POLA1: variants seen among roughly 807,000 people sequenced by gnomAD.
POLA1 encodes the protein DNA polymerase alpha 1, catalytic subunit, also known as DNA polymerase alpha catalytic subunit.
A neutral mutation model predicts 124.0 loss-of-function variants in POLA1; 15 were observed. That is an observed-to-expected ratio of 0.12 (90% confidence interval 0.08 to 0.19). The LOEUF is 0.19. Among genes scored for constraint, POLA1 ranks in the 10% least tolerant of loss-of-function variants. POLA1 has a pLI of 1.00. For synonymous variants in POLA1, 408 were observed against 389.4 expected (o/e 1.05, Z -0.56); for missense variants, 886 against 1,103.4 (o/e 0.80, Z 2.79).
chrX:24,748,789 G>A, intron 25 of POLA1, 81 bp from the exon 26 acceptor site: 1 of 990,589 alleles, frequency 1.0e-6, no homozygotes, highest in Non-Finnish European at 1.4e-6. Context: ...CCTTTTTATT[G>A]GAGATCTAGA....
chrX:24,834,968 C>T (rs1192840126), intron 32 of POLA1, among the ~76,000 whole-genome samples: 1 of 110,221 alleles, frequency 9.1e-6, no homozygotes, highest in Non-Finnish European at 1.9e-5. Context: ...TCTTATTATT[C>T]CTCTTTCCCA....
At chrX:24,930,747 G>A (rs748934981) in intron 36 of POLA1, among the ~76,000 whole-genome samples, 198 bp downstream of exon 36, 2 of 112,279 alleles carry the variant, frequency 1.8e-5, no homozygotes, top group East Asian at 5.6e-4. Flanking sequence ...CCCACAGCCT[G>A]TTTCACATTG....
At chrX:24,897,823 C>T (rs929034736) in intron 35 of POLA1, among the ~76,000 whole-genome samples, 4 of 112,254 alleles carry the variant, frequency 3.6e-5, no homozygotes, top group African/African-American at 1.3e-4. Context: ...TTCCTGTCAC[C>T]GATACCCTCT....
intron 15 of POLA1, 89 bp from the exon 16 acceptor site, chrX:24,732,281 T>A: frequency 1.6e-6 from 1 of 622,690 alleles, no homozygotes; most frequent in Non-Finnish European, 2.7e-6. Context: ...TTTAAATGTG[T>A]ATCTTTAAAT....
At chrX:24,765,882 T>C (rs893914525) in intron 26 of POLA1, among the ~76,000 whole-genome samples, 1 of 112,053 alleles carries the variant, frequency 8.9e-6, no homozygotes, top group African/African-American at 3.2e-5. Context: ...GAAGCTGATA[T>C]GTATCTTTCC....
intron 15 of POLA1, among the ~76,000 whole-genome samples, chrX:24,728,303 C>T (rs1226322544): frequency 8.9e-6 from 1 of 111,732 alleles, no homozygotes; most frequent in Non-Finnish European, 1.9e-5. Context: ...TAAAGCTAGT[C>T]TCAGACATTG....
chrX:24,994,983 G>T (rs1170702943), intron 36 of POLA1, among the ~76,000 whole-genome samples: 9 of 110,610 alleles, frequency 8.1e-5, no homozygotes, highest in Non-Finnish European at 1.7e-4. Flanking sequence ...TTGAACCCGG[G>T]AGGCGGAGGT....
intron 34 of POLA1, among the ~76,000 whole-genome samples, chrX:24,883,810 A>G (rs962462953): frequency 1.6e-4 from 18 of 112,165 alleles, no homozygotes; most frequent in African/African-American, 5.8e-4. Flanking sequence ...TGGATAGCAG[A>G]CATCCTTAAA....
At chrX:24,968,702 CA>C (rs1230409270) in intron 36 of POLA1, among the ~76,000 whole-genome samples, 2,871 of 33,945 alleles carry the variant, frequency 0.085, 131 homozygotes, top group African/African-American at 0.24. Flanking sequence ...GACTCCATCT[CA>C]AAAAAAAAAA....
intron 35 of POLA1, among the ~76,000 whole-genome samples, chrX:24,918,161 C>T (rs2047561092): frequency 9.3e-6 from 1 of 107,563 alleles, no homozygotes; most frequent in Admixed American, 1.0e-4. Context: ...TCTACCTCTA[C>T]ACTTTCTGCT....
rs183583012 is a variant in POLA1, at chrX:24,923,385, G to A, written c.4165-7068G>A. ...TGCATCATTCGTGGGGGTGGGGGTT[G>A]TCTGTGGGGAGAGGGAAAGAGTGAA... On this transcript the variant is annotated intron_variant, in intron 35 of 36. Coordinates refer to ENST00000379068, the MANE Select transcript of POLA1 (RefSeq NM_001330360.2). 3.9e-4 allele frequency among the ~76,000 whole-genome samples: 43 copies of A among 111,480 alleles called. No individual in the cohort carries two copies. In the East Asian group the frequency reaches 5.6e-3, roughly 14 times the overall value.
At chrX:24,994,130 G>C (rs942625608) in intron 36 of POLA1, among the ~76,000 whole-genome samples, 24 of 112,503 alleles carry the variant, frequency 2.1e-4, no homozygotes, top group Admixed American at 1.8e-3. Flanking sequence ...CCTGCCGGGA[G>C]GCAGCCGACA....
At chrX:24,794,994 TA>T (rs1394593356) in intron 26 of POLA1, among the ~76,000 whole-genome samples, 4 of 110,879 alleles carry the variant, frequency 3.6e-5, no homozygotes, top group Non-Finnish European at 5.7e-5. Context: ...GATAGTGGTA[TA>T]GGGGAAAAAA....
chrX:24,801,924 G>GGGGTGTGTGTGTGT (rs759368851), intron 26 of POLA1, among the ~76,000 whole-genome samples: 60 of 74,546 alleles, frequency 8.0e-4, no homozygotes, highest in African/African-American at 2.9e-3. Context: ...GAGGTGGGTG[G>GGGGTGTGTGTGTGT]GTGTGTGTGT....
intron 30 of POLA1, among the ~76,000 whole-genome samples, chrX:24,818,416 TA>T (rs911058437): frequency 3.6e-5 from 4 of 111,805 alleles, no homozygotes; most frequent in African/African-American, 9.8e-5. Context: ...AAACTTCACG[TA>T]TTCCAAGTTT....
intron 32 of POLA1, among the ~76,000 whole-genome samples, chrX:24,831,037 A>G (rs1486579105): frequency 8.9e-6 from 1 of 112,040 alleles, no homozygotes; most frequent in Non-Finnish European, 1.9e-5. Flanking sequence ...TGCTTAAAAG[A>G]AGACAGAACA....
At chrX:24,992,645 A>G (rs1388874955) in intron 36 of POLA1, among the ~76,000 whole-genome samples, 1 of 112,654 alleles carries the variant, frequency 8.9e-6, no homozygotes, top group Non-Finnish European at 1.9e-5. Flanking sequence ...TTTCTAGTTC[A>G]GTGTGTTTCT....
intron 15 of POLA1, among the ~76,000 whole-genome samples, chrX:24,730,462 T>A (rs1024565617): frequency 5.4e-5 from 6 of 111,145 alleles, no homozygotes; most frequent in African/African-American, 2.0e-4. Context: ...GCCAGGCTAG[T>A]CCCAAACTCC....
intron 34 of POLA1, among the ~76,000 whole-genome samples, chrX:24,873,232 A>G (rs746078611): frequency 1.2e-4 from 13 of 111,992 alleles, no homozygotes; most frequent in Non-Finnish European, 2.1e-4. Context: ...GAAAGGGTAT[A>G]GGGAATGGAG....
Sources: gnomAD v4.1 joint callset for allele counts (sites outside exome capture counted in the v4.1 genomes callset) on GRCh38, gnomAD v4.1.1 for gene constraint, MANE v1.5 for transcripts, NCBI Gene and HGNC (gene_info 2026-07-23, HGNC 2026-07-21) for gene names.